The following CYREN variants were observed in gnomAD, a reference collection of about 807,000 sequenced individuals.
CYREN encodes the protein cell cycle regulator of NHEJ, also known as cell cycle regulator of non-homologous end joining.
Under a neutral mutation model 9.7 loss-of-function variants are expected in CYREN, and 7 were observed. That is an observed-to-expected ratio of 0.72 (90% confidence interval 0.41 to 1.36). The LOEUF (loss-of-function observed/expected upper bound fraction) is 1.36. CYREN is among the 40% of genes most tolerant of loss of function. The pLI is 0.01. For missense variants in CYREN, 215 were observed against 198.1 expected, an observed-to-expected ratio of 1.09 and a Z score of -0.51; for synonymous variants, 76 against 77.9, an observed-to-expected ratio of 0.98 and a Z score of 0.13.
chr7:135,158,248 C>T (rs1829843340), intron 2 of CYREN, among the ~76,000 whole-genome samples: 1 of 152,218 alleles, frequency 6.6e-6, no homozygotes, highest in African/African-American at 2.4e-5. Context: ...TCAGTCTCAA[C>T]AGCAGCATGT....
At chr7:135,144,273 A>C (rs900528981) in intron 2 of CYREN, among the ~76,000 whole-genome samples, 2 of 152,162 alleles carry the variant, frequency 1.3e-5, no homozygotes, top group Non-Finnish European at 2.9e-5. Flanking sequence ...ATGCTCAAAA[A>C]GTAGATGGGT....
intron 2 of CYREN, among the ~76,000 whole-genome samples, chr7:135,124,760 G>A (rs117791370): frequency 3.9e-5 from 6 of 152,130 alleles, no homozygotes; most frequent in African/African-American, 1.4e-4. Flanking sequence ...AAAACCACAC[G>A]ATTACATGGA....
At chr7:135,110,293 C>G (rs781311103) in intron 2 of CYREN, among the ~76,000 whole-genome samples, 1 of 152,286 alleles carries the variant, frequency 6.6e-6, no homozygotes, top group Non-Finnish European at 1.5e-5. Flanking sequence ...CACTGCTCAG[C>G]CCCCTGGATT....
intron 2 of CYREN, among the ~76,000 whole-genome samples, chr7:135,156,764 G>T (rs1239716120): frequency 6.6e-6 from 1 of 152,112 alleles, no homozygotes; most frequent in Non-Finnish European, 1.5e-5. Flanking sequence ...GTGGTTCTTT[G>T]ATGATTGTTA....
intron 3 of CYREN, chr7:135,167,385 G>C (rs1466912264): frequency 8.8e-7 from 1 of 1,130,888 alleles, no homozygotes; most frequent in Non-Finnish European, 1.1e-6. Context: ...CAATGGCTAA[G>C]AAGTCATCTA....
chr7:135,128,765 T>A, intron 2 of CYREN: 1 of 1,340,448 alleles, frequency 7.5e-7, no homozygotes, highest in Non-Finnish European at 1.1e-6. Context: ...AACACAGAGC[T>A]AGATTTTGGA....
exon 3 of CYREN, chr7:135,093,201 A>C (rs184138495): frequency 6.7e-6 from 1 of 149,862 alleles, no homozygotes; most frequent in Middle Eastern, 3.2e-3. Context: ...TAAGGCAAGA[A>C]AAAAAAAAAG....
intron 2 of CYREN, among the ~76,000 whole-genome samples, chr7:135,124,294 A>G (rs972235195): frequency 6.6e-6 from 1 of 152,182 alleles, no homozygotes; most frequent in Non-Finnish European, 1.5e-5. Flanking sequence ...ATCAAAAAAG[A>G]CAAAGAAGGG....
Position 135,154,346 on chromosome 7 carries a change from G to A in CYREN, n.356+14403C>T, listed in dbSNP as rs977480739. Among the ~76,000 whole-genome samples the A allele has an allele frequency of 4.6e-5, 7 of 152,056 alleles. 1 individual carries two copies. Among genetic ancestry groups the A allele is most frequent in the Admixed American group, 3.3e-4 (5 of 15,294 alleles). On this transcript the variant is annotated intron_variant and non_coding_transcript_variant, in intron 2 of 2. Transcript: ENST00000459937. ...TTCATTGATCCTTTGTAAATTTTTT[G>A]TCCCTGTTTCATTTAGTTCTGCTCT...
At chr7:135,167,590 C>T (rs1830262483) in intron 3 of CYREN, 142 bp downstream of exon 3, 6 of 1,467,100 alleles carry the variant, frequency 4.1e-6, no homozygotes, top group African/African-American at 1.4e-5. Flanking sequence ...GCAGCATGGC[C>T]GAGATAAGAG....
At chr7:135,162,802 T>C (rs963790799), downstream of CYREN, among the ~76,000 whole-genome samples, 1 of 152,172 alleles carries the variant, frequency 6.6e-6, no homozygotes, top group Non-Finnish European at 1.5e-5. Flanking sequence ...AAAATACACA[T>C]ATGTAAAATA....
intron 2 of CYREN, chr7:135,135,238 C>G: frequency 6.5e-7 from 1 of 1,529,100 alleles, no homozygotes; most frequent in Non-Finnish European, 8.8e-7. Flanking sequence ...CACCTTATAT[C>G]TGAAGTTCCA....
At chr7:135,110,395 C>T (rs1237801279) in intron 2 of CYREN, among the ~76,000 whole-genome samples, 1 of 152,208 alleles carries the variant, frequency 6.6e-6, no homozygotes, top group African/African-American at 2.4e-5. Flanking sequence ...GTATCTAAAG[C>T]TCCTGGGGCT....
chr7:135,164,801 G>T (rs1210146839), downstream of CYREN: 1 of 1,614,000 alleles, frequency 6.2e-7, no homozygotes. Context: ...TGGGCTTCCT[G>T]GCTGTGTCCT....
At chr7:135,164,962 G>A, downstream of CYREN, 4 of 1,604,214 alleles carry the variant, frequency 2.5e-6, no homozygotes, top group Non-Finnish European at 3.4e-6. Context: ...TTCCCTCTGA[G>A]GGCTGAGAGG....
intron 2 of CYREN, among the ~76,000 whole-genome samples, chr7:135,156,813 T>G (rs1018265640): frequency 1.3e-5 from 2 of 152,180 alleles, no homozygotes; most frequent in Non-Finnish European, 2.9e-5. Context: ...CAACTTGAAT[T>G]GTAGCTCCCA....
chr7:135,096,763 G>GAAAT (rs1471344517), intron 2 of CYREN, among the ~76,000 whole-genome samples: 1 of 144,788 alleles, frequency 6.9e-6, no homozygotes, highest in African/African-American at 2.6e-5. Flanking sequence ...AAGAAAGAAA[G>GAAAT]AAAGAAAGAA....
At chr7:135,131,966 C>G (rs1828839919) in intron 2 of CYREN, among the ~76,000 whole-genome samples, 1 of 151,996 alleles carries the variant, frequency 6.6e-6, no homozygotes, top group African/African-American at 2.4e-5. Flanking sequence ...TGAACTACCC[C>G]AACTCATTCA....
chr7:135,126,496 T>C (rs1827887550), intron 2 of CYREN, among the ~76,000 whole-genome samples: 1 of 152,192 alleles, frequency 6.6e-6, no homozygotes, highest in Admixed American at 6.5e-5. Context: ...ACTTTTCCCA[T>C]CAAACTACCA....
Sources: gnomAD v4.1 joint callset for allele counts (sites outside exome capture counted in the v4.1 genomes callset) on GRCh38, gnomAD v4.1.1 for gene constraint, MANE v1.5 for transcripts, NCBI Gene and HGNC (gene_info 2026-07-23, HGNC 2026-07-21) for gene names.